The following TAF12 variants were observed in gnomAD, a reference collection of about 807,000 sequenced individuals.
The protein encoded by TAF12 is TATA-box binding protein associated factor 12, also known as transcription initiation factor TFIID subunit 12.
Under a neutral mutation model 20.8 loss-of-function variants are expected in TAF12, and 3 were observed. The ratio of observed to expected loss-of-function variants is 0.14; its 90% CI spans 0.07 to 0.37. The LOEUF is 0.37. Among genes scored for constraint, TAF12 ranks in the 10% least tolerant of loss-of-function variants. The pLI, the probability that TAF12 is intolerant of heterozygous loss-of-function variation, is 1.00. For synonymous variants in TAF12, 69 were observed against 70.2 expected, an observed-to-expected ratio of 0.98 and a Z score of 0.09; for missense variants, 131 against 197.9, an observed-to-expected ratio of 0.66 and a Z score of 2.03.
At chr1:28,628,128 A>G (rs1269213268) in intron 1 of TAF12, among the ~76,000 whole-genome samples, 3 of 151,196 alleles carry the variant, frequency 2.0e-5, no homozygotes, top group Non-Finnish European at 4.4e-5. Context: ...TATTTATCCG[A>G]CAGAAAGGAA....
chr1:28,633,035 T>A (rs1169492552), intron 1 of TAF12, among the ~76,000 whole-genome samples: 4 of 151,944 alleles, frequency 2.6e-5, no homozygotes, highest in Non-Finnish European at 5.9e-5. Context: ...AGCTATTTTT[T>A]TTTTTATTTA....
chr1:28,636,355 G>C (rs1168904946), intron 1 of TAF12, among the ~76,000 whole-genome samples: 2 of 150,380 alleles, frequency 1.3e-5, no homozygotes, highest in Non-Finnish European at 1.5e-5. Flanking sequence ...AGGTAGTATA[G>C]TGTATAGTAC....
chr1:28,610,365 C>T (rs1666810784), intron 4 of TAF12, among the ~76,000 whole-genome samples: 1 of 152,160 alleles, frequency 6.6e-6, no homozygotes, highest in South Asian at 2.1e-4. Flanking sequence ...CATGATAGCT[C>T]ACTGCAGCCT....
rs1251451241 is a variant in TAF12, at chr1:28,617,980, A to G, written c.219T>C (p.Asn73=). The G allele has an allele frequency of 2.5e-6, 4 of 1,613,936 alleles. No individual in the cohort carries two copies. In the African/African-American group the frequency reaches 5.3e-5, roughly 22 times the overall value. ...CCTCCACATCTTCATCCAACTGCTC[A>G]TTAGGATCCACTTCTCTTACTAAGT... ...LQDLVREVDP[N]EQLDEDVEEM... Residue 73 remains asparagine (N), a synonymous_variant, in exon 3 of 6, where the codon AAT becomes AAC. Coordinates refer to ENST00000373824, the MANE Select transcript of TAF12 (RefSeq NM_005644.4).
intron 2 of TAF12, among the ~76,000 whole-genome samples, chr1:28,619,236 G>A (rs1237333545): frequency 6.6e-6 from 1 of 151,824 alleles, no homozygotes; most frequent in South Asian, 2.1e-4. Flanking sequence ...GCTCATGCCT[G>A]TAATCCCAGT....
intron 1 of TAF12, among the ~76,000 whole-genome samples, chr1:28,633,804 C>CG (rs1159351057): frequency 3.3e-4 from 49 of 149,412 alleles, no homozygotes; most frequent in Admixed American, 3.0e-3. Context: ...CCCAGCTATT[C>CG]GGGAGGCTGA....
chr1:28,624,291 T>C lies in TAF12; in HGVS notation c.-84-2126A>G, dbSNP rs564890399. On this transcript the variant is annotated intron_variant, in intron 1 of 5. Coordinates refer to ENST00000373824, the MANE Select transcript of TAF12 (RefSeq NM_005644.4). ...CTGTTAGGGATAAACTAACAGCATATGGAATATTTTATTGGGCAAAATTGT... is the reference window on the plus strand; with the variant it reads ...CTGTTAGGGATAAACTAACAGCATACGGAATATTTTATTGGGCAAAATTGT... Among the ~76,000 whole-genome samples, 214 of 152,318 alleles carry C rather than the reference T, an allele frequency of 1.4e-3. 3 individuals carry two copies. The highest frequency in any genetic ancestry group is 3.4e-3 in the Middle Eastern group (1 of 294).
chr1:28,631,209 TAAC>T lies in TAF12; in HGVS notation c.-84-9047_-84-9045del, dbSNP rs201503263. Among the ~76,000 whole-genome samples the T allele has an allele frequency of 2.4e-3, 351 of 149,154 alleles. 5 individuals carry two copies. Among genetic ancestry groups the T allele is most frequent in the Admixed American group, 0.016 (236 of 14,912 alleles). On this transcript the variant is annotated intron_variant, in intron 1 of 5. Transcript: ENST00000373824. ...TTTTCAAAATTCAACAATAAGAAAA[TAAC>T]AACCCAATTTAGAAAATGGGCAGAC...
chr1:28,611,489 G>C (rs1489036492), intron 4 of TAF12, among the ~76,000 whole-genome samples: 2 of 152,172 alleles, frequency 1.3e-5, no homozygotes, highest in African/African-American at 4.8e-5. Context: ...TCATATTGGA[G>C]TAGGGTTAGC....
chr1:28,632,567 G>C (rs531968860), intron 1 of TAF12, among the ~76,000 whole-genome samples: 2 of 152,094 alleles, frequency 1.3e-5, no homozygotes, highest in East Asian at 3.9e-4. Context: ...CAACACAGAT[G>C]AATCTCAAAT....
At chr1:28,641,739 G>A (rs1668040781) in intron 1 of TAF12, among the ~76,000 whole-genome samples, 1 of 148,476 alleles carries the variant, frequency 6.7e-6, no homozygotes, top group Admixed American at 6.8e-5. Context: ...AGGTGCACGG[G>A]GCCAAGACTG....
At chr1:28,639,420 G>A (rs1481972711) in intron 1 of TAF12, among the ~76,000 whole-genome samples, 1 of 54,080 alleles carries the variant, frequency 1.8e-5, no homozygotes, top group African/African-American at 1.4e-4. Context: ...GCGAAACTCC[G>A]TCTCACAAAA....
intron 2 of TAF12, among the ~76,000 whole-genome samples, chr1:28,618,919 G>T (rs924358379): frequency 7.9e-5 from 12 of 152,172 alleles, no homozygotes; most frequent in African/African-American, 2.9e-4. Context: ...ACAGTGATCT[G>T]TGCCTGTAGT....
chr1:28,615,236 C>T (rs1401951291), intron 3 of TAF12, among the ~76,000 whole-genome samples: 1 of 152,074 alleles, frequency 6.6e-6, no homozygotes, highest in Non-Finnish European at 1.5e-5. Context: ...ACCATAGATA[C>T]AAAATTCCTT....
upstream of TAF12, among the ~76,000 whole-genome samples, chr1:28,647,434 C>T (rs1668224139): frequency 6.6e-6 from 1 of 152,098 alleles, no homozygotes; most frequent in African/African-American, 2.4e-5. Context: ...ACCACAGGCC[C>T]ATGCCACGAT....
At position 28,613,244 on chromosome 1, in the gene TAF12, T is replaced by A. The variant is rs1666924632; in HGVS notation, c.361+3A>T. On this transcript the variant is annotated splice_donor_region_variant and intron_variant, in intron 4 of 5. Transcript: ENST00000373824. ...TACTTCAGGGAGAAACAAGACCACATACCTAAATGCAGCTGGACATCTTTC... is the reference window on the plus strand; with the variant it reads ...TACTTCAGGGAGAAACAAGACCACAAACCTAAATGCAGCTGGACATCTTTC... 3 of 1,605,420 alleles carry A rather than the reference T, an allele frequency of 1.9e-6. No individual in the cohort carries two copies. The highest frequency in any genetic ancestry group is 1.3e-5 in the African/African-American group (1 of 74,838).
chr1:28,611,007 C>T (rs554691065), intron 4 of TAF12, among the ~76,000 whole-genome samples: 1 of 150,082 alleles, frequency 6.7e-6, no homozygotes, highest in South Asian at 2.1e-4. Flanking sequence ...TGTGTTCCCT[C>T]CCCCTGAACC....
At chr1:28,643,358 A>G (rs1053986341), upstream of TAF12, 3 of 154,266 alleles carry the variant, frequency 1.9e-5, no homozygotes, top group African/African-American at 7.3e-5. Context: ...ATGACGGGTA[A>G]TTGACGCCCT....
rs959370453 is a variant in TAF12, at chr1:28,625,380, CT to C, written c.-84-3216del. The stretch of plus-strand genomic sequence containing the variant: ...ATAGTGAGACACTGTCCCTTTCTCT[CT>C]TTTTTTTGAGACAAGGTCTCATTTT... On this transcript the variant is annotated intron_variant, in intron 1 of 5. Coordinates refer to ENST00000373824, the MANE Select transcript of TAF12 (RefSeq NM_005644.4). Among the ~76,000 whole-genome samples the C allele has an allele frequency of 9.9e-5, 15 of 151,812 alleles. No homozygotes were observed. In the South Asian group the frequency reaches 2.9e-3, roughly 29 times the overall value.
Sources: allele counts gnomAD v4.1 joint callset (sites outside exome capture counted in the v4.1 genomes callset), GRCh38; gene constraint gnomAD v4.1.1; transcripts MANE v1.5; gene names NCBI Gene and HGNC (gene_info 2026-07-23, HGNC 2026-07-21).